Variants in DIS3 observed in about 807,000 individuals in gnomAD.
The protein encoded by DIS3 is DIS3 exosome endoribonuclease and 3'-5' exoribonuclease.
DIS3 carries 103 observed loss-of-function variants against 113.0 expected under a neutral mutation model. That is an observed-to-expected ratio of 0.91 (90% CI 0.78 to 1.07). The LOEUF (loss-of-function observed/expected upper bound fraction) is 1.07. Ranked by LOEUF, DIS3 falls within the 50% of genes least tolerant of loss-of-function variation. The pLI, the probability that DIS3 is intolerant of heterozygous loss-of-function variation, is 0.00. For synonymous variants in DIS3, 402 were observed against 394.3 expected, an observed-to-expected ratio of 1.02 and a Z score of -0.23; for missense variants, 1,121 against 1,167.1, an observed-to-expected ratio of 0.96 and a Z score of 0.58.
rs2034215616 is a variant in DIS3 at position 72,781,437 on chromosome 13, A to G, written c.228+168T>C. Reference sequence around the variant, plus strand: ...CAAGAACTAAATTTTTTAAAGCACAAGGAAAAGAACCTCGGCCTGGGGAAC... The same window carrying G: ...CAAGAACTAAATTTTTTAAAGCACAGGGAAAAGAACCTCGGCCTGGGGAAC... On this transcript the variant is annotated intron_variant, in intron 1 of 20. Transcript: ENST00000377767. 8 of 1,501,470 alleles carry G rather than the reference A, an allele frequency of 5.3e-6. No individual in the cohort carries two copies. The Middle Eastern group carries it at 5.5e-4, about 103-fold the overall frequency. 93.0% of individuals were successfully genotyped at this position (1,501,470 alleles called of 1,614,324 possible).
At chr13:72,768,168 C>T (rs1340183175) in intron 14 of DIS3, among the ~76,000 whole-genome samples, 1 of 152,102 alleles carries the variant, frequency 6.6e-6, no homozygotes, top group Admixed American at 6.5e-5. Context: ...ACCTCTGAAA[C>T]CTAATGTCCA....
chr13:72,771,032 A>G (rs2033874034), intron 12 of DIS3, 44 bp from the exon 13 acceptor site: 1 of 1,608,698 alleles, frequency 6.2e-7, no homozygotes. Flanking sequence ...GAATCAGGTT[A>G]AAGTAGTAAA....
intron 1 of DIS3, 106 bp from the exon 2 acceptor site, chr13:72,781,109 C>T: frequency 7.3e-7 from 1 of 1,370,828 alleles, no homozygotes; most frequent in Non-Finnish European, 1.0e-6. Context: ...GTTTTAAAAA[C>T]ACTGAATAAG....
intron 13 of DIS3, among the ~76,000 whole-genome samples, 194 bp downstream of exon 13, chr13:72,770,710 C>T (rs8002545): frequency 0.75 from 113,899 of 152,008 alleles, 43,049 homozygotes; most frequent in African/African-American, 0.82. Flanking sequence ...CAGGTACTTA[C>T]ATGTATATGT....
In DIS3 at chr13:72,766,032, AC is replaced by A; in HGVS notation, c.1909del (p.Val637PhefsTer13). 6.2e-7 allele frequency: 1 copy of A among 1,611,866 alleles called. No homozygotes were observed. The highest frequency in any genetic ancestry group is 8.5e-7 in the Non-Finnish European group (1 of 1,178,862). ...AGTTTCACTGTCCATGTGGAATCGA[AC>A]TTCAGGAGAGGATAGAGTCAAAGCC... ...KGALTLSSPEVRFHMDSETHD... is the reference protein window; with the variant it reads ...KGALTLSSPEXRFHMDSETHD... On this transcript the variant is annotated frameshift_variant, in exon 15 of 21. Coordinates refer to ENST00000377767, the MANE Select transcript of DIS3 (RefSeq NM_014953.5). LOFTEE classifies it high-confidence loss of function.
chr13:72,777,406 A>C lies in DIS3; in HGVS notation c.654+14T>G. ...TTAATATTTTTACTTTTCAAAAACA[A>C]AACAAAAACATACCCCTTCTTCAGA... On this transcript the variant is annotated intron_variant, in intron 4 of 20. Transcript: ENST00000377767. 6.2e-7 allele frequency: 1 copy of C among 1,613,466 alleles called. No individual in the cohort carries two copies. Among genetic ancestry groups the C allele is most frequent in the Non-Finnish European group, 8.5e-7 (1 of 1,179,660 alleles).
At chr13:72,760,400 C>A in intron 20 of DIS3, 129 bp downstream of exon 20, 1 of 1,128,564 alleles carries the variant, frequency 8.9e-7, no homozygotes, top group Non-Finnish European at 1.3e-6. Context: ...ATTTGCTATG[C>A]AAATATTTGG....
intron 14 of DIS3, among the ~76,000 whole-genome samples, chr13:72,768,270 C>T (rs1246368724): frequency 6.6e-6 from 1 of 152,154 alleles, no homozygotes; most frequent in Non-Finnish European, 1.5e-5. Flanking sequence ...AGATCTTTAA[C>T]TCAAACACAA....
intron 20 of DIS3, among the ~76,000 whole-genome samples, chr13:72,760,198 A>G (rs1181109555): frequency 1.3e-5 from 2 of 152,172 alleles, no homozygotes; most frequent in Non-Finnish European, 2.9e-5. Context: ...GTGTTGGGGA[A>G]GGACAAAAGT....
In DIS3 at chr13:72,778,270, T is replaced by C. The variant is rs910595790; in HGVS notation, c.497A>G (p.Asp166Gly). 2 of 1,607,690 alleles carry C rather than the reference T, an allele frequency of 1.2e-6. No individual in the cohort carries two copies. The highest frequency in any genetic ancestry group is 1.7e-6 in the Non-Finnish European group (2 of 1,175,248). The stretch of plus-strand genomic sequence containing the variant: ...TATGAAGATAACTTGCAGCTGGTTG[T>C]CTGCTGACATTTTTTTCAAATGTTC... ...YNEHLKKMSA[D>G]NQLQVIFITN... The change falls in exon 3 of 21, where the codon GAC (aspartate) becomes GGC (glycine). Residue 166 changes from aspartate to glycine, a missense_variant. By Grantham distance (94) the Asp-to-Gly change is moderately conservative. Coordinates refer to ENST00000377767, the MANE Select transcript of DIS3 (RefSeq NM_014953.5).
In DIS3 at chr13:72,755,961, A is replaced by G. The variant is rs1014041202; in HGVS notation, c.*3834T>C. On this transcript the variant is annotated 3_prime_UTR_variant, in exon 21 of 21. Coordinates refer to ENST00000377767, the MANE Select transcript of DIS3 (RefSeq NM_014953.5). ...AGAATAAGAATGTGGGAGAACCAAG[A>G]GAAAAAGTGGGGCTGGGAGAGTGGA... 3 of 398,502 alleles carry G rather than the reference A, an allele frequency of 7.5e-6. No individual in the cohort carries two copies. Among genetic ancestry groups the G allele is most frequent in the African/African-American group, 4.1e-5 (2 of 48,626 alleles). 24.7% of individuals were successfully genotyped at this position (398,502 alleles called of 1,614,324 possible).
intron 15 of DIS3, 67 bp from the exon 16 acceptor site, chr13:72,763,674 T>C (rs1189596604): frequency 6.8e-7 from 1 of 1,466,336 alleles, no homozygotes; most frequent in Non-Finnish European, 9.1e-7. Flanking sequence ...TCATATTTTT[T>C]CACAGGTTAC....
Position 72,766,155 on chromosome 13 carries a change from AGTGT to A in DIS3, c.1884-101_1884-98del, listed in dbSNP as rs1260365110. 1.3e-5 allele frequency: 12 copies of A among 957,174 alleles called. No homozygotes were observed. In the East Asian group the frequency reaches 2.2e-4, roughly 17 times the overall value. The allele number at this position is 957,174 out of a possible 1,614,324, so 59.3% of individuals were successfully genotyped here. A position where few individuals can be genotyped will look rare whatever the true frequency, so the allele number is the denominator to read the frequency against. On this transcript the variant is annotated intron_variant, in intron 14 of 20. Coordinates refer to ENST00000377767, the MANE Select transcript of DIS3 (RefSeq NM_014953.5). ...TTTAAAAAAGACAATGACTACAGCA[AGTGT>A]GTAATAGTTGCTCTTCTGAAGGCTT...
At chr13:72,779,622 G>A (rs1593854319) in intron 2 of DIS3, among the ~76,000 whole-genome samples, 1 of 152,210 alleles carries the variant, frequency 6.6e-6, no homozygotes, top group African/African-American at 2.4e-5. Flanking sequence ...AGAAAGTTGA[G>A]ATATTAAGGT....
rs2033463350 is a variant in DIS3, at chr13:72,756,124, T to C, written c.*3671A>G. ...GTTTGGAAATACTATCTTTGGAGAA[T>C]GTATTTTTGTATTTATAAATCAACT... On this transcript the variant is annotated 3_prime_UTR_variant, in exon 21 of 21. Transcript: ENST00000377767. 2.5e-6 allele frequency: 1 copy of C among 394,648 alleles called. No homozygotes were observed. The highest frequency in any genetic ancestry group is 4.5e-6 in the Non-Finnish European group (1 of 224,326). The allele number at this position is 394,648 out of a possible 1,614,324, so 24.4% of individuals were successfully genotyped here.
chr13:72,781,178 A>C, intron 1 of DIS3, 175 bp from the exon 2 acceptor site: 1 of 1,412,004 alleles, frequency 7.1e-7, no homozygotes, highest in Non-Finnish European at 9.8e-7. Flanking sequence ...AACCCTTCAG[A>C]TCTATTAAAA....
At position 72,753,354 on chromosome 13, in the gene DIS3, G is replaced by C. The variant is rs532921650; in HGVS notation, c.*6441C>G. 26 of 172,956 alleles carry C rather than the reference G, an allele frequency of 1.5e-4. No individual in the cohort carries two copies. In the South Asian group the frequency reaches 3.3e-3, roughly 22 times the overall value. 10.7% of individuals were successfully genotyped at this position (172,956 alleles called of 1,614,324 possible). On this transcript the variant is annotated 3_prime_UTR_variant, in exon 21 of 21. Transcript: ENST00000377767. ...ATTTAGAGACAAGCCTGGAAAATGC[G>C]TTGGAAGGTGAAGTTAGTTGTAATA...
chr13:72,779,732 G>A (rs2034107599), intron 2 of DIS3, among the ~76,000 whole-genome samples: 1 of 132,626 alleles, frequency 7.5e-6, no homozygotes, highest in East Asian at 2.6e-4. Flanking sequence ...AGGGCATTTT[G>A]TATCATTACA....
rs181148412 is a variant in DIS3 at position 72,758,097 on chromosome 13, T to C, written c.*1698A>G. Reference sequence around the variant, plus strand: ...AATAGGTGTACCATTTTATATCTTATATATATCTATATATATATTTTTACT... The same window carrying C: ...AATAGGTGTACCATTTTATATCTTACATATATCTATATATATATTTTTACT... On this transcript the variant is annotated 3_prime_UTR_variant, in exon 21 of 21. Coordinates refer to ENST00000377767, the MANE Select transcript of DIS3 (RefSeq NM_014953.5). 1.1e-5 allele frequency: 2 copies of C among 181,284 alleles called. No individual in the cohort carries two copies. The highest frequency in any genetic ancestry group is 9.1e-5 in the East Asian group (1 of 11,040). The allele number at this position is 181,284 out of a possible 1,614,324, so 11.2% of individuals were successfully genotyped here.
Sources: allele counts gnomAD v4.1 joint callset (sites outside exome capture counted in the v4.1 genomes callset), GRCh38; gene constraint gnomAD v4.1.1; transcripts MANE v1.5; gene names NCBI Gene and HGNC (gene_info 2026-07-23, HGNC 2026-07-21).